ZNF343: variants seen among roughly 807,000 people sequenced by gnomAD.
ZNF343 encodes the protein zinc finger protein 343.
A neutral mutation model predicts 13.8 loss-of-function variants in ZNF343; 11 were observed. The ratio of observed to expected loss-of-function variants is 0.80; its 90% CI spans 0.50 to 1.32. The LOEUF is 1.32. ZNF343 is among the 40% of genes most tolerant of loss of function. ZNF343 has a pLI of 0.00. For synonymous variants in ZNF343, 248 were observed against 260.0 expected (o/e 0.95, Z 0.44); for missense variants, 658 against 714.2 (o/e 0.92, Z 0.90).
At chr20:2,485,141 A>G (rs1402488684) in intron 5 of ZNF343, among the ~76,000 whole-genome samples, 1 of 152,204 alleles carries the variant, frequency 6.6e-6, no homozygotes, top group Non-Finnish European at 1.5e-5. Context: ...ATTGTATATA[A>G]AACAAATATA....
In ZNF343 at chr20:2,483,387, T is replaced by G. The variant is rs1217183668; in HGVS notation, c.1574A>C (p.Glu525Ala). 1 of 1,611,838 alleles carries G rather than the reference T, an allele frequency of 6.2e-7. No homozygotes were observed. Among genetic ancestry groups the G allele is most frequent in the Non-Finnish European group, 8.5e-7 (1 of 1,179,678 alleles). Residue 525 changes from glutamate to alanine, a missense_variant, in exon 6 of 6, where the codon GAA (glutamate) becomes GCA (alanine). Coordinates refer to ENST00000278772, the MANE Select transcript of ZNF343 (RefSeq NM_024325.6). ...HSNEKPYICR[E>A]CGRGFCDKST... Reference sequence around the variant, plus strand: ...CTTGTCACAAAAGCCTCGCCCACATTCCCTGCAAATATAAGGCTTCTCATT... The same window carrying G: ...CTTGTCACAAAAGCCTCGCCCACATGCCCTGCAAATATAAGGCTTCTCATT...
chr20:2,484,873 CTCTCAAG>C (rs894973075), intron 5 of ZNF343, among the ~76,000 whole-genome samples: 5 of 152,180 alleles, frequency 3.3e-5, no homozygotes, highest in African/African-American at 1.2e-4. Context: ...AACCAGGAAC[CTCTCAAG>C]TGAGTATTCT....
At chr20:2,515,123 C>A (rs529511383) in intron 1 of ZNF343, among the ~76,000 whole-genome samples, 19 of 152,118 alleles carry the variant, frequency 1.2e-4, no homozygotes, top group African/African-American at 4.3e-4. Flanking sequence ...GAAAAAAAGA[C>A]TAATACTGCA....
At chr20:2,494,908 C>G (rs1230726133) in intron 2 of ZNF343, among the ~76,000 whole-genome samples, 1 of 152,192 alleles carries the variant, frequency 6.6e-6, no homozygotes, top group Admixed American at 6.5e-5. Flanking sequence ...CATTGCTATG[C>G]ATGTCTACCA....
chr20:2,485,015 C>T (rs2085260788), intron 5 of ZNF343, among the ~76,000 whole-genome samples: 1 of 152,114 alleles, frequency 6.6e-6, no homozygotes, highest in Admixed American at 6.5e-5. Flanking sequence ...ATGTGGAAAT[C>T]TCCTTCATGA....
At chr20:2,497,923 A>G (rs2122650236) in intron 2 of ZNF343, among the ~76,000 whole-genome samples, 1 of 152,248 alleles carries the variant, frequency 6.6e-6, no homozygotes, top group East Asian at 1.9e-4. Context: ...ACGGCCAGGA[A>G]GCAGGGCTGC....
In ZNF343 at chr20:2,483,283, G is replaced by A. The variant is rs146638299; in HGVS notation, c.1678C>T (p.Arg560Trp). 78 of 1,610,352 alleles carry A rather than the reference G, an allele frequency of 4.8e-5. No individual in the cohort carries two copies. Among genetic ancestry groups the A allele is most frequent in the African/African-American group, 2.7e-4 (20 of 74,058 alleles). Residue 560 changes from arginine (R) to tryptophan (W), a missense_variant, in exon 6 of 6, where the codon CGG (arginine) becomes TGG (tryptophan). Physicochemically the swap from Arg to Trp is moderately radical, Grantham distance 101. Transcript: ENST00000278772. ...VCSECGRGFS[R>W]KSLLLVHQRT... Reference sequence around the variant, plus strand: ...TGGTGGACAAGGAGGAGTGATTTCCGGCTAAAGCCTCGGCCACACTCACTG... The same window carrying A: ...TGGTGGACAAGGAGGAGTGATTTCCAGCTAAAGCCTCGGCCACACTCACTG...
intron 1 of ZNF343, among the ~76,000 whole-genome samples, chr20:2,502,184 G>A (rs907043880): frequency 2.6e-5 from 4 of 152,190 alleles, no homozygotes; most frequent in African/African-American, 7.2e-5. Context: ...CTCAGTAGCC[G>A]ACTTGATCAA....
rs1316953987 is a variant in ZNF343, at chr20:2,500,758, G to A, written c.-236-16C>T. The A allele has an allele frequency of 6.6e-6, 1 of 152,162 alleles. No homozygotes were observed. The highest frequency in any genetic ancestry group is 2.4e-5 in the African/African-American group (1 of 41,422). The allele number at this position is 152,162 out of a possible 1,614,324, so 9.4% of individuals were successfully genotyped here. Reference sequence around the variant, plus strand: ...GAAGGTGGACCTGAGGATGAAACAGGCAGTGTGAGATTCAGGATTGTCTCC... The same window carrying A: ...GAAGGTGGACCTGAGGATGAAACAGACAGTGTGAGATTCAGGATTGTCTCC... On this transcript the variant is annotated splice_polypyrimidine_tract_variant and intron_variant, in intron 1 of 5. Coordinates refer to ENST00000278772, the MANE Select transcript of ZNF343 (RefSeq NM_024325.6).
chr20:2,507,093 C>T (rs2085672033), intron 1 of ZNF343, among the ~76,000 whole-genome samples: 1 of 151,792 alleles, frequency 6.6e-6, no homozygotes, highest in African/African-American at 2.4e-5. Flanking sequence ...GGAGAAACCC[C>T]GTGTCTACTA....
intron 1 of ZNF343, among the ~76,000 whole-genome samples, chr20:2,520,100 A>G (rs2085775994): frequency 6.6e-6 from 1 of 152,296 alleles, no homozygotes; most frequent in South Asian, 2.1e-4. Context: ...CTATATTTCT[A>G]CTAATTCAAC....
chr20:2,481,842 G>T lies in ZNF343; in HGVS notation c.*1319C>A, dbSNP rs1357303004. The T allele has an allele frequency of 6.6e-6, 1 of 152,194 alleles. No individual in the cohort carries two copies. The highest frequency in any genetic ancestry group is 2.4e-5 in the African/African-American group (1 of 41,452). 9.4% of individuals were successfully genotyped at this position (152,194 alleles called of 1,614,324 possible). On this transcript the variant is annotated 3_prime_UTR_variant, in exon 6 of 6. Coordinates refer to ENST00000278772, the MANE Select transcript of ZNF343 (RefSeq NM_024325.6). ...TTTTTTGATTACTTAAATAAAGCCT[G>T]CTTTTTTATTTCATCTGATTCCAAG...
chr20:2,496,475 G>A (rs1206687217), intron 2 of ZNF343, among the ~76,000 whole-genome samples: 2 of 152,170 alleles, frequency 1.3e-5, no homozygotes, highest in Non-Finnish European at 2.9e-5. Flanking sequence ...TTGATGTGGA[G>A]GGAAATGAGA....
At position 2,518,163 on chromosome 20, in the gene ZNF343, G is replaced by T. The variant is rs951039905; in HGVS notation, c.-347+6292C>A. Among the ~76,000 whole-genome samples the T allele has an allele frequency of 2.6e-5, 4 of 151,966 alleles. No homozygotes were observed. The highest frequency in any genetic ancestry group is 9.7e-5 in the African/African-American group (4 of 41,364). ...TGAGTAGCTGGGATTACAGGCGCGTGCCACCACGTCTGGCTACCTTTTTGT... is the reference window on the plus strand; with the variant it reads ...TGAGTAGCTGGGATTACAGGCGCGTTCCACCACGTCTGGCTACCTTTTTGT... On this transcript the variant is annotated intron_variant, in intron 1 of 6. Coordinates refer to the ZNF343 transcript ENST00000358413. The surrounding 1 kb of genome is among the most constrained non-coding windows in gnomAD (Gnocchi z 4.6).
At chr20:2,516,360 G>C (rs1017847706) in intron 1 of ZNF343, among the ~76,000 whole-genome samples, 4 of 152,124 alleles carry the variant, frequency 2.6e-5, no homozygotes, top group African/African-American at 9.7e-5. Context: ...GGGTAAAGGT[G>C]GGGCCAGAGT....
intron 1 of ZNF343, among the ~76,000 whole-genome samples, chr20:2,502,161 C>T (rs1471456580): frequency 2.0e-5 from 3 of 151,976 alleles, no homozygotes; most frequent in South Asian, 2.1e-4. Flanking sequence ...AACTACGTGA[C>T]GAATGCACAA....
chr20:2,518,019 C>CT lies in ZNF343; in HGVS notation c.-347+6435dup, dbSNP rs1229880226. Among the ~76,000 whole-genome samples the CT allele has an allele frequency of 1.6e-3, 225 of 144,066 alleles. No individual in the cohort carries two copies. The highest frequency in any genetic ancestry group is 3.4e-3 in the African/African-American group (133 of 39,454). The allele number at this position is 144,066 out of a possible 152,430, so 94.5% of individuals were successfully genotyped here. On this transcript the variant is annotated intron_variant, in intron 1 of 6. Transcript: ENST00000358413. This position sits in a 1 kb window ranked among gnomAD's most constrained non-coding sequence, Gnocchi z 4.6. ...TTTATTTTTTTTTCCTTTTTTCTCTCTTTTTTTTTTTCGAGACAGAGTCTC... is the reference window on the plus strand; with the variant it reads ...TTTATTTTTTTTTCCTTTTTTCTCTCTTTTTTTTTTTTCGAGACAGAGTCTC...
At chr20:2,492,500 T>C (rs1192372269) in intron 5 of ZNF343, among the ~76,000 whole-genome samples, 199 bp downstream of exon 5, 1 of 152,216 alleles carries the variant, frequency 6.6e-6, no homozygotes, top group Non-Finnish European at 1.5e-5. Context: ...TAACATACCA[T>C]ATTATAATAT....
intron 1 of ZNF343, among the ~76,000 whole-genome samples, chr20:2,507,533 C>T (rs552061399): frequency 2.0e-5 from 3 of 151,136 alleles, no homozygotes; most frequent in South Asian, 2.1e-4. Flanking sequence ...CAAGTTTTAC[C>T]TCCCCAAAGC....
Sources: gnomAD v4.1 joint callset for allele counts (sites outside exome capture counted in the v4.1 genomes callset) on GRCh38, gnomAD v4.1.1 for gene constraint, Gnocchi (gnomAD v3.1) non-coding constraint, MANE v1.5 for transcripts, NCBI Gene and HGNC (gene_info 2026-07-23, HGNC 2026-07-21) for gene names.